The following ROR2 variants were observed in gnomAD, a reference collection of about 807,000 sequenced individuals.
ROR2 encodes tyrosine-protein kinase transmembrane receptor ROR2.
ROR2 carries 33 observed loss-of-function variants against 74.9 expected under a neutral mutation model. The ratio of observed to expected loss-of-function variants is 0.44; its 90% CI spans 0.33 to 0.59. The LOEUF is 0.59. ROR2 is among the 20% of genes least tolerant of loss of function. The pLI is 0.02. For missense variants in ROR2, 1,216 were observed against 1,313.8 expected, an observed-to-expected ratio of 0.93 and a Z score of 1.15; for synonymous variants, 586 against 558.7, an observed-to-expected ratio of 1.05 and a Z score of -0.69.
chr9:91,890,802 T>A lies in ROR2; in HGVS notation c.97+59065A>T, dbSNP rs555524365. 5.9e-5 allele frequency among the ~76,000 whole-genome samples: 9 copies of A among 152,342 alleles called. No individual in the cohort carries two copies. The East Asian group carries it at 1.5e-3, about 26-fold the overall frequency. On this transcript the variant is annotated intron_variant, in intron 1 of 8. Transcript: ENST00000375708. The stretch of plus-strand genomic sequence containing the variant: ...CTGTGTTTTACCTTGAAATGGAATA[T>A]TCACTGAAGATCTTTGAAAGAATCC...
intron 1 of ROR2, among the ~76,000 whole-genome samples, chr9:91,906,391 A>C (rs1830819188): frequency 6.6e-6 from 1 of 152,180 alleles, no homozygotes; most frequent in Non-Finnish European, 1.5e-5. Context: ...ACGAAACCTT[A>C]AAGGGTGGCT....
chr9:91,789,275 C>T (rs1826896278), intron 1 of ROR2, among the ~76,000 whole-genome samples: 2 of 152,074 alleles, frequency 1.3e-5, no homozygotes, highest in East Asian at 3.8e-4. Flanking sequence ...ATGAGAAAAT[C>T]TATCATTAGC....
intron 1 of ROR2, among the ~76,000 whole-genome samples, chr9:91,944,918 C>T (rs146473662): frequency 4.2e-4 from 64 of 152,052 alleles, no homozygotes; most frequent in Middle Eastern, 3.4e-3. Context: ...TAGCCAGGCA[C>T]GGTAGCGCGT....
intron 1 of ROR2, among the ~76,000 whole-genome samples, chr9:91,859,644 G>A (rs1291421463): frequency 1.3e-5 from 2 of 152,022 alleles, no homozygotes; most frequent in Admixed American, 6.5e-5. Flanking sequence ...ACAACATGGC[G>A]AAATCCCATC....
At chr9:91,757,166 C>G in intron 3 of ROR2, 106 bp downstream of exon 3, 1 of 1,437,512 alleles carries the variant, frequency 7.0e-7, no homozygotes, top group East Asian at 2.3e-5. Context: ...GCTCTCCCCT[C>G]GTGCTGACTG....
chr9:91,779,965 G>A (rs1485361583), intron 1 of ROR2, among the ~76,000 whole-genome samples: 1 of 152,218 alleles, frequency 6.6e-6, no homozygotes, highest in East Asian at 1.9e-4. Flanking sequence ...TATATTCCAG[G>A]CTGAACCAAT....
chr9:91,823,896 C>T (rs189433444), intron 1 of ROR2, among the ~76,000 whole-genome samples: 263 of 152,318 alleles, frequency 1.7e-3, no homozygotes, highest in Admixed American at 2.7e-3. Context: ...CTCTGAAATA[C>T]ACAATCTCTG....
At chr9:91,835,305 C>T (rs926689315) in intron 1 of ROR2, among the ~76,000 whole-genome samples, 1 of 152,340 alleles carries the variant, frequency 6.6e-6, no homozygotes, top group South Asian at 2.1e-4. Context: ...GCTCCTCTGT[C>T]TTAAAACACT....
At chr9:91,870,668 T>G (rs780675985) in intron 1 of ROR2, among the ~76,000 whole-genome samples, 10 of 152,226 alleles carry the variant, frequency 6.6e-5, no homozygotes, top group Admixed American at 2.0e-4. Flanking sequence ...AATAAAGTAC[T>G]AAATGTTGGA....
chr9:91,769,125 C>T (rs1387596342), intron 2 of ROR2, among the ~76,000 whole-genome samples: 1 of 152,084 alleles, frequency 6.6e-6, no homozygotes. Flanking sequence ...CTAAGAATGA[C>T]CTGCCTGGAA....
At chr9:91,746,564 G>A (rs537364373) in intron 4 of ROR2, among the ~76,000 whole-genome samples, 2 of 152,250 alleles carry the variant, frequency 1.3e-5, no homozygotes, top group South Asian at 4.1e-4. Context: ...CTTGGCGAGC[G>A]GTGCCTTCGA....
rs386736274 is a variant in ROR2, at chr9:91,767,080, G to GT, written c.175+8660dup. Among the ~76,000 whole-genome samples the GT allele has an allele frequency of 6.6e-3, 929 of 140,014 alleles. 2 individuals are homozygous for GT. The highest frequency in any genetic ancestry group is 8.8e-3 in the African/African-American group (298 of 33,810). 91.9% of individuals were successfully genotyped at this position (140,014 alleles called of 152,430 possible). A position where few individuals can be genotyped will look rare whatever the true frequency, so the allele number is the denominator to read the frequency against. On this transcript the variant is annotated intron_variant, in intron 2 of 8. Transcript: ENST00000375708. ...GTCAGAGTCAGATCAATGACTTACG[G>GT]TTTTTTTTTTTTTGAGGCGGAGGCT...
At chr9:91,802,712 C>T (rs1827427476) in intron 1 of ROR2, among the ~76,000 whole-genome samples, 1 of 152,124 alleles carries the variant, frequency 6.6e-6, no homozygotes, top group African/African-American at 2.4e-5. Context: ...TGAATCCAGC[C>T]TGCAGTGGCA....
At chr9:91,810,030 G>A (rs10992119) in intron 1 of ROR2, among the ~76,000 whole-genome samples, 7,300 of 152,292 alleles carry the variant, frequency 0.048, 260 homozygotes, top group East Asian at 0.15. Context: ...CGACTAAATC[G>A]GCCACGCCAC....
intron 1 of ROR2, among the ~76,000 whole-genome samples, chr9:91,777,028 T>C (rs1485907525): frequency 6.6e-6 from 1 of 152,198 alleles, no homozygotes; most frequent in African/African-American, 2.4e-5. Flanking sequence ...GCCAGTCAAA[T>C]GTGGTTAATA....
intron 1 of ROR2, among the ~76,000 whole-genome samples, chr9:91,884,036 C>A (rs10512218): frequency 0.12 from 18,638 of 152,214 alleles, 2,229 homozygotes; most frequent in African/African-American, 0.32. Context: ...TACCACGGAG[C>A]TAGAACCAAA....
At chr9:91,786,659 C>CA (rs1464324812) in intron 1 of ROR2, among the ~76,000 whole-genome samples, 1 of 152,206 alleles carries the variant, frequency 6.6e-6, no homozygotes, top group African/African-American at 2.4e-5. Flanking sequence ...GGCCCCATAA[C>CA]AGAGTCAACA....
At chr9:91,863,791 T>C (rs144361375) in intron 1 of ROR2, among the ~76,000 whole-genome samples, 2 of 152,264 alleles carry the variant, frequency 1.3e-5, no homozygotes, top group East Asian at 3.9e-4. Flanking sequence ...GGGCATGGTT[T>C]TCAGGTGATT....
intron 2 of ROR2, among the ~76,000 whole-genome samples, chr9:91,771,208 G>A (rs1012759516): frequency 2.0e-5 from 3 of 152,182 alleles, no homozygotes; most frequent in Admixed American, 6.6e-5. Flanking sequence ...GCTCTTCTCT[G>A]AAGTCGAGAG....
Sources: gnomAD v4.1 joint callset for allele counts (sites outside exome capture counted in the v4.1 genomes callset) on GRCh38, gnomAD v4.1.1 for gene constraint, MANE v1.5 for transcripts, NCBI Gene and HGNC (gene_info 2026-07-23, HGNC 2026-07-21) for gene names.